PCDH15: variants seen among roughly 807,000 people sequenced by gnomAD.
PCDH15 encodes the protein protocadherin related 15.
Under a neutral mutation model 178.5 loss-of-function variants are expected in PCDH15, and 129 were observed. The ratio of observed to expected loss-of-function variants is 0.72; its 90% CI spans 0.63 to 0.84. The LOEUF (loss-of-function observed/expected upper bound fraction) is 0.84. PCDH15 is among the 40% of genes least tolerant of loss of function. PCDH15 has a pLI of 0.00. For missense variants in PCDH15, 2,230 were observed against 2,099.9 expected (o/e 1.06, Z -1.21); for synonymous variants, 800 against 732.0 (o/e 1.09, Z -1.50).
chr10:54,228,347 A>T (rs7902932), intron 9 of PCDH15, among the ~76,000 whole-genome samples: 8,353 of 151,340 alleles, frequency 0.055, 565 homozygotes, highest in African/African-American at 0.17. Context: ...TCCTCTTTTT[A>T]AAAAAAAATC....
chr10:54,447,089 C>G (rs1023369511), intron 3 of PCDH15, among the ~76,000 whole-genome samples: 1 of 151,510 alleles, frequency 6.6e-6, no homozygotes, highest in African/African-American at 2.4e-5. Flanking sequence ...AGATCTTGCC[C>G]CGTTCTCGCT....
intron 2 of PCDH15, among the ~76,000 whole-genome samples, chr10:55,091,458 G>T (rs1842315019): frequency 7.1e-6 from 1 of 140,840 alleles, no homozygotes. Context: ...TATAGTAGAG[G>T]TCTAAAGTGA....
At chr10:55,216,100 C>T (rs886550964) in intron 1 of PCDH15, among the ~76,000 whole-genome samples, 6 of 151,510 alleles carry the variant, frequency 4.0e-5, no homozygotes, top group Non-Finnish European at 7.4e-5. Flanking sequence ...TATATTAATG[C>T]TCACCACCTA....
chr10:54,773,439 C>T (rs532444659), intron 1 of PCDH15, among the ~76,000 whole-genome samples: 3 of 152,170 alleles, frequency 2.0e-5, no homozygotes, highest in Non-Finnish European at 4.4e-5. Flanking sequence ...CTTCACAAAT[C>T]AGGTACAGCT....
intron 1 of PCDH15, among the ~76,000 whole-genome samples, chr10:54,752,524 AC>A (rs200597793): frequency 4.3e-4 from 33 of 77,534 alleles, no homozygotes; most frequent in Non-Finnish European, 5.3e-4. Context: ...AAACAAACAA[AC>A]AAACAAAAAA....
chr10:54,274,553 C>T (rs2058237522), intron 8 of PCDH15, among the ~76,000 whole-genome samples: 1 of 151,654 alleles, frequency 6.6e-6, no homozygotes, highest in South Asian at 2.1e-4. Context: ...GCAGCCAACA[C>T]TATGCGATGA....
At chr10:54,023,907 G>A (rs1228142836) in intron 18 of PCDH15, among the ~76,000 whole-genome samples, 1 of 145,130 alleles carries the variant, frequency 6.9e-6, no homozygotes, top group Non-Finnish European at 1.5e-5. Context: ...CTTAACAAAT[G>A]CTTGTGGAAT....
intron 2 of PCDH15, among the ~76,000 whole-genome samples, chr10:55,071,147 C>G (rs1004916116): frequency 1.3e-5 from 2 of 152,096 alleles, no homozygotes; most frequent in African/African-American, 4.8e-5. Context: ...CAAAATCATG[C>G]CAAATTGTAA....
At chr10:54,986,048 T>G (rs1839356120) in intron 2 of PCDH15, among the ~76,000 whole-genome samples, 1 of 152,238 alleles carries the variant, frequency 6.6e-6, no homozygotes, top group African/African-American at 2.4e-5. Flanking sequence ...TTGTCATTTT[T>G]GACAAGTAGG....
At chr10:54,126,520 T>C (rs1329776632) in intron 15 of PCDH15, among the ~76,000 whole-genome samples, 2 of 152,132 alleles carry the variant, frequency 1.3e-5, no homozygotes, top group African/African-American at 4.8e-5. Flanking sequence ...AATATATTCT[T>C]GACAAGTAAT....
At chr10:54,528,420 G>T in intron 2 of PCDH15, 2 of 1,568,584 alleles carry the variant, frequency 1.3e-6, no homozygotes, top group Non-Finnish European at 1.7e-6. Flanking sequence ...CAAAAGTATA[G>T]AGTCATCAAT....
intron 2 of PCDH15, among the ~76,000 whole-genome samples, chr10:55,535,557 T>A (rs1056786583): frequency 2.0e-5 from 3 of 151,860 alleles, no homozygotes. Context: ...AAGGGAGAGA[T>A]TTTATGGGTT....
chr10:54,661,480 A>C (rs564691574), intron 2 of PCDH15, among the ~76,000 whole-genome samples: 138 of 152,092 alleles, frequency 9.1e-4, no homozygotes, highest in African/African-American at 3.3e-3. Context: ...GTACTGCCCA[A>C]AGCGAGCTAC....
intron 1 of PCDH15, among the ~76,000 whole-genome samples, chr10:55,246,501 A>G (rs1406498084): frequency 2.0e-5 from 3 of 152,208 alleles, no homozygotes; most frequent in Non-Finnish European, 4.4e-5. Flanking sequence ...AAAGCACTCA[A>G]ATTGGAATTT....
chr10:55,371,511 CA>C (rs1161547771), intron 2 of PCDH15, among the ~76,000 whole-genome samples: 1 of 152,094 alleles, frequency 6.6e-6, no homozygotes, highest in Non-Finnish European at 1.5e-5. Context: ...TTGATTGGAT[CA>C]TGGGGGCCGA....
At chr10:54,146,261 A>G (rs374620691) in intron 14 of PCDH15, among the ~76,000 whole-genome samples, 70 of 152,120 alleles carry the variant, frequency 4.6e-4, no homozygotes, top group African/African-American at 1.6e-3. Flanking sequence ...TTGTATTTCA[A>G]AGTAAATTAT....
intron 21 of PCDH15, among the ~76,000 whole-genome samples, chr10:53,991,631 C>G (rs2091490565): frequency 6.6e-6 from 1 of 151,862 alleles, no homozygotes; most frequent in Admixed American, 6.6e-5. Context: ...CTGTGTATAG[C>G]TCAAGGTTTG....
At chr10:54,240,781 G>T (rs554568365) in intron 8 of PCDH15, among the ~76,000 whole-genome samples, 1 of 151,556 alleles carries the variant, frequency 6.6e-6, no homozygotes, top group Non-Finnish European at 1.5e-5. Context: ...ACAGGCGCCC[G>T]CCACCACGCC....
chr10:54,680,943 C>A (rs1265355467), intron 1 of PCDH15, among the ~76,000 whole-genome samples: 1 of 152,124 alleles, frequency 6.6e-6, no homozygotes, highest in Non-Finnish European at 1.5e-5. Context: ...TAAAGGAAAG[C>A]CCTCTGAAAA....
Sources: allele counts gnomAD v4.1 joint callset (sites outside exome capture counted in the v4.1 genomes callset), GRCh38; gene constraint gnomAD v4.1.1; transcripts MANE v1.5; gene names NCBI Gene and HGNC (gene_info 2026-07-23, HGNC 2026-07-21).